Variants in ST3GAL3 observed in about 807,000 individuals in gnomAD.
ST3GAL3 encodes the protein ST3 beta-galactoside alpha-2,3-sialyltransferase 3, also known as CMP-N-acetylneuraminate-beta-1,4-galactoside alpha-2,3-sialyltransferase.
Under a neutral mutation model 50.1 loss-of-function variants are expected in ST3GAL3, and 21 were observed. That is an observed-to-expected ratio of 0.42 (90% CI 0.30 to 0.60). The LOEUF (loss-of-function observed/expected upper bound fraction) is 0.60. Ranked by LOEUF, ST3GAL3 falls within the 20% of genes least tolerant of loss-of-function variation. The probability of loss-of-function intolerance (pLI) is 0.19; values close to 1 mark genes in which losing one functional copy is unlikely to be tolerated. For synonymous variants in ST3GAL3, 183 were observed against 190.0 expected (o/e 0.96, Z 0.30); for missense variants, 353 against 489.4 (o/e 0.72, Z 2.63).
chr1:43,878,191 C>T (rs2074447463), intron 5 of ST3GAL3, among the ~76,000 whole-genome samples: 1 of 152,160 alleles, frequency 6.6e-6, no homozygotes, highest in African/African-American at 2.4e-5. Context: ...ATTGCCTTTT[C>T]GTCTGTGTGT....
intron 9 of ST3GAL3, chr1:43,911,978 A>G (rs1452354723): frequency 5.3e-5 from 8 of 152,206 alleles, no homozygotes; most frequent in African/African-American, 1.9e-4. Context: ...TAACAGCTTG[A>G]TAGCTTGCCT....
intron 2 of ST3GAL3, among the ~76,000 whole-genome samples, chr1:43,773,173 A>G (rs944217908): frequency 1.4e-4 from 21 of 152,362 alleles, no homozygotes; most frequent in Middle Eastern, 3.4e-3. Context: ...TTGTAACTGT[A>G]GTTAATTAAT....
At position 43,920,826 on chromosome 1, in the gene ST3GAL3, C is replaced by T. The variant is rs372260228; in HGVS notation, c.936C>T (p.His312=). 3.3e-5 allele frequency: 53 copies of T among 1,614,170 alleles called. No homozygotes were observed. The highest frequency in any genetic ancestry group is 3.3e-4 in the Middle Eastern group (2 of 6,062). ...LGSVAVTMAL[H]GCDEVAVAGF... Reference sequence around the variant, plus strand: ...GTGTGGCAGTGACCATGGCACTACACGGCTGTGACGAGGTGGCAGTCGCAG... The same window carrying T: ...GTGTGGCAGTGACCATGGCACTACATGGCTGTGACGAGGTGGCAGTCGCAG... Residue 312 remains histidine (H), a synonymous_variant, in exon 11 of 12, where the codon CAC becomes CAT. Coordinates refer to ENST00000347631, the MANE Select transcript of ST3GAL3 (RefSeq NM_006279.5).
intron 2 of ST3GAL3, among the ~76,000 whole-genome samples, chr1:43,768,171 A>C (rs1301355570): frequency 6.6e-6 from 1 of 152,220 alleles, no homozygotes; most frequent in Non-Finnish European, 1.5e-5. Flanking sequence ...ACAGTGGCTC[A>C]TGCCTATAAT....
At chr1:43,788,940 G>GTT (rs75212053) in intron 2 of ST3GAL3, among the ~76,000 whole-genome samples, 9 of 143,308 alleles carry the variant, frequency 6.3e-5, no homozygotes, top group East Asian at 2.0e-4. Context: ...AGAGTGGGAG[G>GTT]TTTTTTTTTT....
intron 2 of ST3GAL3, among the ~76,000 whole-genome samples, chr1:43,767,232 G>T (rs568014452): frequency 6.6e-6 from 1 of 152,252 alleles, no homozygotes; most frequent in South Asian, 2.1e-4. Context: ...AGTAGGGAGG[G>T]CTAGGAGGAG....
chr1:43,863,636 G>A (rs2070578005), intron 5 of ST3GAL3, among the ~76,000 whole-genome samples: 1 of 152,214 alleles, frequency 6.6e-6, no homozygotes, highest in African/African-American at 2.4e-5. Context: ...GGAAAGCATA[G>A]CTCCATCACT....
At chr1:43,868,488 GA>G (rs1221669051) in intron 5 of ST3GAL3, among the ~76,000 whole-genome samples, 2 of 152,194 alleles carry the variant, frequency 1.3e-5, no homozygotes, top group African/African-American at 4.8e-5. Flanking sequence ...ACTCAGGACT[GA>G]AAAATGGCAA....
chr1:43,764,771 TGG>T, intron 2 of ST3GAL3, among the ~76,000 whole-genome samples: 1 of 152,334 alleles, frequency 6.6e-6, no homozygotes, highest in East Asian at 1.9e-4. Flanking sequence ...GGCATGGCCG[TGG>T]GCCAGGCAGC....
At chr1:43,739,017 C>T (rs1366238635) in intron 2 of ST3GAL3, 1 of 152,190 alleles carries the variant, frequency 6.6e-6, no homozygotes, top group African/African-American at 2.4e-5. Flanking sequence ...TTATTATCCT[C>T]ATTTTACAGA....
chr1:43,857,850 A>G (rs1253936545), intron 5 of ST3GAL3, among the ~76,000 whole-genome samples: 2 of 152,096 alleles, frequency 1.3e-5, no homozygotes, highest in Non-Finnish European at 2.9e-5. Flanking sequence ...TCCTGACCTC[A>G]GGTGATCCAC....
At chr1:43,854,635 A>G (rs1042737095) in intron 5 of ST3GAL3, among the ~76,000 whole-genome samples, 1 of 152,086 alleles carries the variant, frequency 6.6e-6, no homozygotes, top group Non-Finnish European at 1.5e-5. Flanking sequence ...CCACATCTCT[A>G]CTGATCTCTA....
At chr1:43,796,174 G>T (rs2058666420) in intron 3 of ST3GAL3, among the ~76,000 whole-genome samples, 1 of 152,218 alleles carries the variant, frequency 6.6e-6, no homozygotes, top group African/African-American at 2.4e-5. Context: ...AGTCCCAAGA[G>T]GATGGGGTGC....
chr1:43,811,438 C>A (rs898155059), intron 3 of ST3GAL3, among the ~76,000 whole-genome samples: 3 of 152,124 alleles, frequency 2.0e-5, no homozygotes, highest in Admixed American at 2.0e-4. Flanking sequence ...TTAGGGGCCT[C>A]TTCTCTGCGG....
chr1:43,911,676 T>C lies in ST3GAL3; in HGVS notation c.745-8728T>C, dbSNP rs181580520. 1.7e-3 allele frequency among the ~76,000 whole-genome samples: 258 copies of C among 150,732 alleles called. 7 individuals carry two copies. Among genetic ancestry groups the C allele is most frequent in the Admixed American group, 3.9e-3 (58 of 14,994 alleles). On this transcript the variant is annotated intron_variant, in intron 9 of 11. Coordinates refer to ENST00000347631, the MANE Select transcript of ST3GAL3 (RefSeq NM_006279.5). ...CTGTAGCTATAGATATCTATAGATA[T>C]AGATATAGATATGGATTTTTTTTTT... is the stretch of plus-strand genomic sequence containing the variant.
At position 43,920,438 on chromosome 1, in the gene ST3GAL3, C is replaced by G; in HGVS notation, c.779C>G (p.Thr260Ser). The G allele has an allele frequency of 6.2e-7, 1 of 1,614,092 alleles. No homozygotes were observed. Among genetic ancestry groups the G allele is most frequent in the Non-Finnish European group, 8.5e-7 (1 of 1,180,018 alleles). The change falls in exon 10 of 12, where the codon ACT (threonine) becomes AGT (serine). Residue 260 changes from threonine (T) to serine (S), a missense_variant. By Grantham distance (58) the Thr-to-Ser change is moderately conservative. Transcript: ENST00000347631. ...GATGGCTTCTGGAAATCTGTGGCCA[C>G]TCGAGTGCCCAAGGAGCCCCCTGAG... ...ASDGFWKSVA[T>S]RVPKEPPEIR...
At chr1:43,771,741 T>C (rs1021046984) in intron 2 of ST3GAL3, 3 of 388,402 alleles carry the variant, frequency 7.7e-6, no homozygotes, top group Non-Finnish European at 1.4e-5. Flanking sequence ...TGTGTGTGTG[T>C]GTGTGTGTGT....
intron 11 of ST3GAL3, chr1:43,921,302 T>A (rs1571542185): frequency 1.9e-6 from 1 of 516,354 alleles, no homozygotes; most frequent in East Asian, 3.0e-5. Flanking sequence ...TCAGGACTTC[T>A]CCATATCTCT....
At chr1:43,851,912 A>G (rs1385613742) in intron 5 of ST3GAL3, among the ~76,000 whole-genome samples, 1 of 152,214 alleles carries the variant, frequency 6.6e-6, no homozygotes, top group Non-Finnish European at 1.5e-5. Context: ...CGGGACTGCT[A>G]GTGCTCTGCT....
Sources: gnomAD v4.1 joint callset for allele counts (sites outside exome capture counted in the v4.1 genomes callset) on GRCh38, gnomAD v4.1.1 for gene constraint, MANE v1.5 for transcripts, NCBI Gene and HGNC (gene_info 2026-07-23, HGNC 2026-07-21) for gene names.